Variants in MAPK8 observed in about 807,000 individuals in gnomAD.
MAPK8 encodes mitogen-activated protein kinase 8.
In MAPK8, 13 loss-of-function variants were observed where a neutral mutation model predicts 52.9. The ratio of observed to expected loss-of-function variants is 0.25; its 90% CI spans 0.16 to 0.39. The LOEUF (loss-of-function observed/expected upper bound fraction) is 0.39, where lower values mean the gene tolerates loss of function less well. MAPK8 is among the 10% of genes least tolerant of loss of function. The pLI is 1.00. For synonymous variants in MAPK8, 191 were observed against 169.8 expected, an observed-to-expected ratio of 1.12 and a Z score of -0.97; for missense variants, 300 against 519.2, an observed-to-expected ratio of 0.58 and a Z score of 4.10.
chr10:48,307,783 C>T (rs994298847), intron 1 of MAPK8, among the ~76,000 whole-genome samples: 3 of 152,154 alleles, frequency 2.0e-5, no homozygotes, highest in Admixed American at 6.5e-5. Flanking sequence ...CAAGTACCTC[C>T]TTGGCAATTA....
intron 1 of MAPK8, among the ~76,000 whole-genome samples, chr10:48,360,875 T>C (rs1365568210): frequency 6.6e-6 from 1 of 152,042 alleles, no homozygotes; most frequent in Non-Finnish European, 1.5e-5. Flanking sequence ...AGGAGATGAT[T>C]ATGGGGGGAA....
At position 48,372,080 on chromosome 10, in the gene MAPK8, T is replaced by C. The variant is rs142357305; in HGVS notation, c.-49-29532T>C. Among the ~76,000 whole-genome samples the C allele has an allele frequency of 2.7e-4, 41 of 152,210 alleles. 1 individual carries two copies. In the East Asian group the frequency reaches 7.9e-3, roughly 29 times the overall value. On this transcript the variant is annotated intron_variant, in intron 1 of 11. Coordinates refer to ENST00000374189, the MANE Select transcript of MAPK8 (RefSeq NM_001323329.2). ...AGTCCTTTAGAATTTTTATGGAAAC[T>C]TGTTTACTTAGGAATGATTGATTAA...
intron 10 of MAPK8, chr10:48,430,468 A>T (rs1347422644): frequency 3.3e-5 from 5 of 152,270 alleles, no homozygotes; most frequent in African/African-American, 1.2e-4. Flanking sequence ...TCTGATGATA[A>T]TATAAGTGAA....
At chr10:48,431,005 T>C (rs2044190203) in intron 10 of MAPK8, 188 bp from the exon 11 acceptor site, 1 of 618,506 alleles carries the variant, frequency 1.6e-6, no homozygotes, top group African/African-American at 1.9e-5. Flanking sequence ...TATGATCCAT[T>C]GTTGAGTGTC....
At chr10:48,391,325 T>TAA (rs2041609922) in intron 1 of MAPK8, among the ~76,000 whole-genome samples, 1 of 152,220 alleles carries the variant, frequency 6.6e-6, no homozygotes, top group Non-Finnish European at 1.5e-5. Flanking sequence ...TTTAATCAGT[T>TAA]ACATCTAAAT....
At position 48,397,297 on chromosome 10, in the gene MAPK8, C is replaced by T. The variant is rs376388981; in HGVS notation, c.-49-4315C>T. 4.6e-5 allele frequency among the ~76,000 whole-genome samples: 7 copies of T among 151,686 alleles called. No individual in the cohort carries two copies. The South Asian group carries it at 1.0e-3, about 23-fold the overall frequency. ...CCAAATAGCTAGGACTATAGATGTG[C>T]ACTACTACTGTGGCAGATTTTTTTT... is the stretch of plus-strand genomic sequence containing the variant. On this transcript the variant is annotated intron_variant, in intron 1 of 11. Coordinates refer to ENST00000374189, the MANE Select transcript of MAPK8 (RefSeq NM_001323329.2).
intron 1 of MAPK8, among the ~76,000 whole-genome samples, chr10:48,311,033 G>A (rs1382924795): frequency 5.9e-5 from 9 of 151,830 alleles, no homozygotes; most frequent in Admixed American, 5.9e-4. Flanking sequence ...GGCTAGTTCA[G>A]GTTATATAAC....
At chr10:48,346,216 A>T (rs2132384173) in intron 1 of MAPK8, among the ~76,000 whole-genome samples, 1 of 152,354 alleles carries the variant, frequency 6.6e-6, no homozygotes, top group South Asian at 2.1e-4. Flanking sequence ...GTTATACCAG[A>T]TATAGATCTT....
At chr10:48,335,686 T>C (rs976860639) in intron 1 of MAPK8, among the ~76,000 whole-genome samples, 3 of 152,212 alleles carry the variant, frequency 2.0e-5, no homozygotes, top group Non-Finnish European at 4.4e-5. Flanking sequence ...AATTGTATTA[T>C]TTAAAAACAT....
intron 1 of MAPK8, among the ~76,000 whole-genome samples, chr10:48,355,056 A>G (rs1196920302): frequency 6.6e-6 from 1 of 152,244 alleles, no homozygotes; most frequent in Admixed American, 6.5e-5. Context: ...GAAAATAGGA[A>G]TAGGCAGCTA....
At chr10:48,322,758 G>C (rs1037957092) in intron 1 of MAPK8, among the ~76,000 whole-genome samples, 5 of 152,048 alleles carry the variant, frequency 3.3e-5, no homozygotes, top group Admixed American at 3.3e-4. Context: ...ATCCCTTCAG[G>C]GGGAGAAATG....
chr10:48,316,353 A>T (rs1373118248), intron 1 of MAPK8, among the ~76,000 whole-genome samples: 2 of 152,216 alleles, frequency 1.3e-5, no homozygotes, highest in Non-Finnish European at 2.9e-5. Flanking sequence ...ATTATAGCTT[A>T]GGTATGTTGT....
At chr10:48,365,646 G>A (rs1847966194) in intron 1 of MAPK8, among the ~76,000 whole-genome samples, 1 of 152,112 alleles carries the variant, frequency 6.6e-6, no homozygotes, top group South Asian at 2.1e-4. Flanking sequence ...CCCATCTTTT[G>A]AGAGAAATGT....
chr10:48,324,458 T>TCGTTGTTG (rs1466748482), intron 1 of MAPK8, among the ~76,000 whole-genome samples: 1 of 150,374 alleles, frequency 6.7e-6, no homozygotes, highest in Non-Finnish European at 1.5e-5. Context: ...CCACATTTGA[T>TCGTTGTTG]CGTTGTTGCT....
chr10:48,374,222 A>G (rs2040510212), intron 1 of MAPK8, among the ~76,000 whole-genome samples: 1 of 152,208 alleles, frequency 6.6e-6, no homozygotes, highest in African/African-American at 2.4e-5. Flanking sequence ...ATGTAGGAGA[A>G]TCTCTGGGAC....
chr10:48,351,125 G>C (rs1311705810), intron 1 of MAPK8, among the ~76,000 whole-genome samples: 1 of 152,042 alleles, frequency 6.6e-6, no homozygotes, highest in South Asian at 2.1e-4. Flanking sequence ...AGGGGACACA[G>C]ACAAATGGAA....
chr10:48,411,759 C>A (rs1400445176), intron 5 of MAPK8, among the ~76,000 whole-genome samples: 1 of 151,564 alleles, frequency 6.6e-6, no homozygotes, highest in Non-Finnish European at 1.5e-5. Context: ...GGATGTCTTA[C>A]CATTTCCTTC....
At chr10:48,376,706 G>A (rs2040684441) in intron 1 of MAPK8, among the ~76,000 whole-genome samples, 1 of 152,182 alleles carries the variant, frequency 6.6e-6, no homozygotes, top group Non-Finnish European at 1.5e-5. Context: ...AGTTAGAATG[G>A]CAATCATTAA....
chr10:48,355,931 CTTAAA>C (rs1032462533), intron 1 of MAPK8, among the ~76,000 whole-genome samples: 2 of 152,092 alleles, frequency 1.3e-5, no homozygotes, highest in South Asian at 2.1e-4. Flanking sequence ...GGAACATTTT[CTTAAA>C]TTAAAATAAA....
Sources: allele counts gnomAD v4.1 joint callset (sites outside exome capture counted in the v4.1 genomes callset), GRCh38; gene constraint gnomAD v4.1.1; transcripts MANE v1.5; gene names NCBI Gene and HGNC (gene_info 2026-07-23, HGNC 2026-07-21).